CNKSR2: variants seen among roughly 807,000 people sequenced by gnomAD.
The protein encoded by CNKSR2 is connector enhancer of kinase suppressor of Ras 2.
CNKSR2 carries 14 observed loss-of-function variants against 84.4 expected under a neutral mutation model. The observed-to-expected ratio is 0.17, with a 90% CI of 0.11 to 0.26. CNKSR2 has a LOEUF of 0.26. Ranked by LOEUF, CNKSR2 falls within the 10% of genes least tolerant of loss-of-function variation. CNKSR2 has a pLI of 1.00. For synonymous variants in CNKSR2, 275 were observed against 277.9 expected (o/e 0.99, Z 0.10); for missense variants, 485 against 771.2 (o/e 0.63, Z 4.40).
chrX:21,374,623 CA>C lies in CNKSR2; in HGVS notation c.-274del. The stretch of plus-strand genomic sequence containing the variant: ...GCAGCAGCAGCAGCAGCAGCAGCAG[CA>C]GCAGCAGCCGCCGCCGCCGCCGCCT... On this transcript the variant is annotated 5_prime_UTR_variant, in exon 1 of 22. Transcript: ENST00000379510. The C allele has an allele frequency of 1.9e-6, 1 of 513,180 alleles. No individual in the cohort carries two copies. The highest frequency in any genetic ancestry group is 2.5e-5 in the South Asian group (1 of 39,763). 42.3% of individuals were successfully genotyped at this position (513,180 alleles called of 1,213,427 possible). A position where few individuals can be genotyped will look rare whatever the true frequency, so the allele number is the denominator to read the frequency against.
chrX:21,482,594 T>G (rs1180459854), intron 5 of CNKSR2, among the ~76,000 whole-genome samples: 1 of 112,340 alleles, frequency 8.9e-6, no homozygotes, highest in Non-Finnish European at 1.9e-5. Flanking sequence ...TTTAAGATCA[T>G]GAATTTTGAC....
At chrX:21,456,536 G>T (rs1300646981) in intron 4 of CNKSR2, among the ~76,000 whole-genome samples, 3 of 111,469 alleles carry the variant, frequency 2.7e-5, no homozygotes, top group East Asian at 2.8e-4. Context: ...TTGCAAGTGG[G>T]AGAATATCCT....
chrX:21,374,609 A>AGCAGCAGCAGCAGCAGCAGCAGCC lies in CNKSR2; in HGVS notation c.-286_-263dup, dbSNP rs2089771881. 2.0e-6 allele frequency: 1 copy of AGCAGCAGCAGCAGCAGCAGCAGCC among 497,631 alleles called. No homozygotes were observed. Among genetic ancestry groups the AGCAGCAGCAGCAGCAGCAGCAGCC allele is most frequent in the East Asian group, 3.9e-5 (1 of 25,321 alleles). 41.0% of individuals were successfully genotyped at this position (497,631 alleles called of 1,213,427 possible). A position where few individuals can be genotyped will look rare whatever the true frequency, so the allele number is the denominator to read the frequency against. On this transcript the variant is annotated 5_prime_UTR_variant, in exon 1 of 22. Coordinates refer to ENST00000379510, the MANE Select transcript of CNKSR2 (RefSeq NM_014927.5). ...GAGCGGCGGAGGCAGCAGCAGCAGC[A>AGCAGCAGCAGCAGCAGCAGCAGCC]GCAGCAGCAGCAGCAGCAGCAGCCG... is the stretch of plus-strand genomic sequence containing the variant.
chrX:21,534,648 A>G (rs1402604219), intron 11 of CNKSR2, among the ~76,000 whole-genome samples: 5 of 111,082 alleles, frequency 4.5e-5, no homozygotes, highest in Non-Finnish European at 7.6e-5. Flanking sequence ...GTGAGATGAT[A>G]TCTCTTTGTG....
intron 9 of CNKSR2, among the ~76,000 whole-genome samples, chrX:21,522,678 G>T (rs542442226): frequency 9.1e-6 from 1 of 110,336 alleles, no homozygotes; most frequent in South Asian, 3.8e-4. Flanking sequence ...TAAAATTGGG[G>T]CGCACAAAGA....
chrX:21,374,431 G>T lies in CNKSR2; in HGVS notation c.-467G>T. ...AGGAGGCCCCTCGTCATTTCCGCCG[G>T]GCAGCTAGTCGTGCTCGGGGCTTCA... On this transcript the variant is annotated 5_prime_UTR_variant, in exon 1 of 22. Coordinates refer to ENST00000379510, the MANE Select transcript of CNKSR2 (RefSeq NM_014927.5). 3.6e-6 allele frequency: 1 copy of T among 280,412 alleles called. No individual in the cohort carries two copies. Among genetic ancestry groups the T allele is most frequent in the Non-Finnish European group, 6.3e-6 (1 of 159,275 alleles). The allele number at this position is 280,412 out of a possible 1,213,427, so 23.1% of individuals were successfully genotyped here. A position where few individuals can be genotyped will look rare whatever the true frequency, so the allele number is the denominator to read the frequency against.
intron 4 of CNKSR2, among the ~76,000 whole-genome samples, chrX:21,469,288 C>A (rs761244170): frequency 5.4e-5 from 6 of 111,980 alleles, no homozygotes; most frequent in Non-Finnish European, 1.1e-4. Flanking sequence ...CAGATTATCT[C>A]TCCTTTGGCA....
chrX:21,513,108 C>T (rs891463379), intron 8 of CNKSR2, among the ~76,000 whole-genome samples: 6 of 111,792 alleles, frequency 5.4e-5, no homozygotes, highest in Non-Finnish European at 1.1e-4. Context: ...TAGCTATTAA[C>T]GTGGACAAGC....
intron 13 of CNKSR2, among the ~76,000 whole-genome samples, chrX:21,572,658 T>A (rs2092291828): frequency 9.0e-6 from 1 of 111,193 alleles, no homozygotes; most frequent in Admixed American, 9.5e-5. Flanking sequence ...AAGCCCCTTA[T>A]AAAGCCATCA....
Position 21,461,385 on chromosome X carries a change from A to AT in CNKSR2, c.520-9372dup, listed in dbSNP as rs763555903. The stretch of plus-strand genomic sequence containing the variant: ...GCCCATTTTTTAATCAGATTATTAG[A>AT]TTTTTTTTTCTATAGCATTGTTTGA... On this transcript the variant is annotated intron_variant, in intron 4 of 21. Transcript: ENST00000379510. Among the ~76,000 whole-genome samples the AT allele has an allele frequency of 1.5e-4, 17 of 110,352 alleles. No individual in the cohort carries two copies. The South Asian group carries it at 2.3e-3, about 15-fold the overall frequency.
At position 21,609,559 on chromosome X, in the gene CNKSR2, AGAGGAG is replaced by A. The variant is rs770084913; in HGVS notation, c.2652_2657del (p.Glu885_Glu886del). The A allele has an allele frequency of 2.1e-5, 25 of 1,204,057 alleles. No individual in the cohort carries two copies. Among genetic ancestry groups the A allele is most frequent in the Admixed American group, 6.6e-5 (3 of 45,441 alleles). On this transcript the variant is annotated inframe_deletion, in exon 20 of 22. Coordinates refer to ENST00000379510, the MANE Select transcript of CNKSR2 (RefSeq NM_014927.5). The stretch of plus-strand genomic sequence containing the variant: ...ACGTGCAACCCCCAGAGGTGGAGGA[AGAGGAG>A]GAGGAGGAGGAGGAGGAAGGGGAGG...
intron 11 of CNKSR2, among the ~76,000 whole-genome samples, chrX:21,532,729 C>A (rs764608477): frequency 1.8e-5 from 2 of 111,581 alleles, no homozygotes; most frequent in Non-Finnish European, 3.8e-5. Flanking sequence ...GATAAAGTTG[C>A]TTAAAGTAGT....
At chrX:21,507,488 A>C (rs901729314) in intron 8 of CNKSR2, among the ~76,000 whole-genome samples, 4 of 111,555 alleles carry the variant, frequency 3.6e-5, no homozygotes, top group Non-Finnish European at 7.5e-5. Flanking sequence ...CACAGTGAAA[A>C]TACAGCCATT....
intron 1 of CNKSR2, among the ~76,000 whole-genome samples, chrX:21,400,389 G>A (rs2090174209): frequency 9.0e-6 from 1 of 110,747 alleles, no homozygotes; most frequent in African/African-American, 3.3e-5. Flanking sequence ...TCATACTTCT[G>A]AAATGTAGAA....
intron 1 of CNKSR2, among the ~76,000 whole-genome samples, chrX:21,409,219 A>G (rs1286608440): frequency 1.1e-5 from 1 of 87,754 alleles, no homozygotes; most frequent in Non-Finnish European, 2.2e-5. Flanking sequence ...TACATAAAAA[A>G]TGAAAAAATT....
chrX:21,460,664 G>A (rs889122406), intron 4 of CNKSR2, among the ~76,000 whole-genome samples: 2 of 109,106 alleles, frequency 1.8e-5, no homozygotes, highest in East Asian at 5.7e-4. Context: ...TATATTTTTT[G>A]TACCCATCCC....
intron 1 of CNKSR2, among the ~76,000 whole-genome samples, chrX:21,394,199 AAAG>A (rs1447898071): frequency 8.9e-6 from 1 of 112,335 alleles, no homozygotes; most frequent in Non-Finnish European, 1.9e-5. Context: ...CATTGGCAAA[AAAG>A]AATTTATTAC....
chrX:21,643,002 G>A (rs1040370232), intron 20 of CNKSR2: 1 of 182,128 alleles, frequency 5.5e-6, no homozygotes, highest in Non-Finnish European at 8.5e-6. Context: ...GATTGTCTTG[G>A]GTCATTCTCC....
At chrX:21,599,798 G>T (rs1170521884) in intron 17 of CNKSR2, among the ~76,000 whole-genome samples, 1 of 111,789 alleles carries the variant, frequency 8.9e-6, no homozygotes, top group East Asian at 2.8e-4. Flanking sequence ...GGTAAGATAT[G>T]CCTTGTGGTA....
Sources: allele counts gnomAD v4.1 joint callset (sites outside exome capture counted in the v4.1 genomes callset), GRCh38; gene constraint gnomAD v4.1.1; transcripts MANE v1.5; gene names NCBI Gene and HGNC (gene_info 2026-07-23, HGNC 2026-07-21).